The following ST6GALNAC5 variants were observed in gnomAD, a reference collection of about 807,000 sequenced individuals.
The protein encoded by ST6GALNAC5 is alpha-N-acetylgalactosaminide alpha-2,6-sialyltransferase 5.
In ST6GALNAC5, 27 loss-of-function variants were observed where a neutral mutation model predicts 33.6. The ratio of observed to expected loss-of-function variants is 0.80; its 90% confidence interval spans 0.59 to 1.11. The LOEUF (loss-of-function observed/expected upper bound fraction) is 1.11, where lower values mean the gene tolerates loss of function less well. Among genes scored for constraint, ST6GALNAC5 ranks in the 50% least tolerant of loss-of-function variants. The pLI is 0.00. For missense variants in ST6GALNAC5, 428 were observed against 454.0 expected (o/e 0.94, Z 0.52); for synonymous variants, 194 against 171.2 (o/e 1.13, Z -1.04).
intron 2 of ST6GALNAC5, among the ~76,000 whole-genome samples, chr1:76,878,274 A>G (rs564733058): frequency 3.3e-5 from 5 of 152,246 alleles, no homozygotes; most frequent in Admixed American, 1.3e-4. Flanking sequence ...CAGGGAGCCA[A>G]TGTAGGGGTT....
intron 2 of ST6GALNAC5, among the ~76,000 whole-genome samples, chr1:76,955,050 C>G (rs1344253004): frequency 6.6e-6 from 1 of 151,978 alleles, no homozygotes; most frequent in African/African-American, 2.4e-5. Context: ...AAGAGGTGGA[C>G]AGTGAACAAA....
intron 2 of ST6GALNAC5, among the ~76,000 whole-genome samples, chr1:76,918,374 C>T (rs1456236903): frequency 6.6e-6 from 1 of 152,062 alleles, no homozygotes; most frequent in East Asian, 1.9e-4. Context: ...AATCCCAACA[C>T]TTTGGGAGGC....
At chr1:76,923,804 A>T (rs1046794500) in intron 2 of ST6GALNAC5, among the ~76,000 whole-genome samples, 1 of 152,154 alleles carries the variant, frequency 6.6e-6, no homozygotes, top group Non-Finnish European at 1.5e-5. Flanking sequence ...GTGTATTTGG[A>T]AAAGCCTGAT....
intron 2 of ST6GALNAC5, among the ~76,000 whole-genome samples, chr1:76,872,324 C>T (rs931188045): frequency 5.3e-5 from 8 of 152,138 alleles, no homozygotes; most frequent in African/African-American, 1.9e-4. Context: ...GGCCCACTAT[C>T]ACCCAGACTG....
At chr1:76,986,987 G>A (rs923461388) in intron 2 of ST6GALNAC5, among the ~76,000 whole-genome samples, 4 of 152,056 alleles carry the variant, frequency 2.6e-5, no homozygotes, top group Non-Finnish European at 5.9e-5. Flanking sequence ...TGGACACAGG[G>A]CAAGGGAACA....
chr1:76,968,744 C>T (rs1648609649), intron 2 of ST6GALNAC5, among the ~76,000 whole-genome samples: 1 of 152,166 alleles, frequency 6.6e-6, no homozygotes, highest in Non-Finnish European at 1.5e-5. Flanking sequence ...ATGTTTAGTG[C>T]TTCCTTCAGG....
rs550718939 is a variant in ST6GALNAC5, at chr1:76,956,813, T to C, written c.262-87391T>C. 5.3e-5 allele frequency among the ~76,000 whole-genome samples: 8 copies of C among 152,212 alleles called. No homozygotes were observed. The South Asian group carries it at 1.7e-3, about 32-fold the overall frequency. On this transcript the variant is annotated intron_variant, in intron 2 of 4. Coordinates refer to ENST00000477717, the MANE Select transcript of ST6GALNAC5 (RefSeq NM_030965.3). ...CCAAAGTCACATACAATCTTTAGCATAGATTTGGGGAGGAGGGAGGGAAAT... is the reference window on the plus strand; with the variant it reads ...CCAAAGTCACATACAATCTTTAGCACAGATTTGGGGAGGAGGGAGGGAAAT...
intron 2 of ST6GALNAC5, among the ~76,000 whole-genome samples, chr1:77,033,109 T>C (rs1314225871): frequency 6.6e-6 from 1 of 152,178 alleles, no homozygotes; most frequent in African/African-American, 2.4e-5. Context: ...AGGGAGTTAT[T>C]TGAAGGCACT....
chr1:76,885,931 AG>A (rs1653882458), intron 2 of ST6GALNAC5, among the ~76,000 whole-genome samples: 1 of 152,154 alleles, frequency 6.6e-6, no homozygotes, highest in East Asian at 1.9e-4. Flanking sequence ...AGCTACTTGG[AG>A]GGTATGGCCT....
chr1:76,895,318 G>T (rs1287865486), intron 2 of ST6GALNAC5, among the ~76,000 whole-genome samples: 1 of 152,250 alleles, frequency 6.6e-6, no homozygotes, highest in African/African-American at 2.4e-5. Flanking sequence ...GAGAGAATGG[G>T]CGATGTTTCT....
At chr1:76,967,787 T>G (rs1557740581) in intron 2 of ST6GALNAC5, among the ~76,000 whole-genome samples, 3 of 152,172 alleles carry the variant, frequency 2.0e-5, no homozygotes, top group South Asian at 4.1e-4. Flanking sequence ...TTGTGTCTTT[T>G]TTCTCATTGG....
chr1:76,989,453 C>G (rs1294237085), intron 2 of ST6GALNAC5, among the ~76,000 whole-genome samples: 2 of 152,006 alleles, frequency 1.3e-5, no homozygotes, highest in Admixed American at 6.6e-5. Context: ...AAATTCATGG[C>G]AAGACATTTG....
At chr1:76,942,659 C>G (rs1485150819) in intron 2 of ST6GALNAC5, among the ~76,000 whole-genome samples, 3 of 152,090 alleles carry the variant, frequency 2.0e-5, no homozygotes, top group Non-Finnish European at 4.4e-5. Flanking sequence ...AAGATCTCTT[C>G]AGGATCTAAC....
At chr1:77,030,648 C>A (rs1651417737) in intron 2 of ST6GALNAC5, among the ~76,000 whole-genome samples, 1 of 152,124 alleles carries the variant, frequency 6.6e-6, no homozygotes, top group Admixed American at 6.5e-5. Context: ...TGAAAGTCTC[C>A]AAGAGGTTAT....
At chr1:76,915,871 A>G (rs115719372) in intron 2 of ST6GALNAC5, among the ~76,000 whole-genome samples, 1,573 of 140,898 alleles carry the variant, frequency 0.011, 23 homozygotes, top group African/African-American at 0.04. Context: ...AGAATGAAAA[A>G]TAACAAAAAA....
intron 2 of ST6GALNAC5, among the ~76,000 whole-genome samples, chr1:77,010,219 G>A (rs924900428): frequency 6.6e-5 from 10 of 152,162 alleles, no homozygotes; most frequent in East Asian, 1.9e-4. Flanking sequence ...ACCTTGGGCC[G>A]GGCAGTGGTT....
At chr1:76,882,336 T>G (rs1321980694) in intron 2 of ST6GALNAC5, among the ~76,000 whole-genome samples, 1 of 152,164 alleles carries the variant, frequency 6.6e-6, no homozygotes, top group Non-Finnish European at 1.5e-5. Context: ...CTCATTTAGC[T>G]GAATTACCTT....
chr1:76,962,718 G>A (rs1185853997), intron 2 of ST6GALNAC5, among the ~76,000 whole-genome samples: 1 of 152,106 alleles, frequency 6.6e-6, no homozygotes, highest in African/African-American at 2.4e-5. Flanking sequence ...ATTTTTAGAA[G>A]GAATCTAACA....
intron 2 of ST6GALNAC5, among the ~76,000 whole-genome samples, chr1:76,911,911 C>CTTG (rs1557719731): frequency 2.1e-4 from 32 of 151,438 alleles, no homozygotes; most frequent in Admixed American, 7.9e-4. Context: ...GGGCTTTTTA[C>CTTG]GTCTCTATTT....
Sources: gnomAD v4.1 joint callset for allele counts (sites outside exome capture counted in the v4.1 genomes callset) on GRCh38, gnomAD v4.1.1 for gene constraint, MANE v1.5 for transcripts, NCBI Gene and HGNC (gene_info 2026-07-23, HGNC 2026-07-21) for gene names.